Variants in ACOXL observed in about 807,000 individuals in gnomAD.
ACOXL encodes the protein acyl-coenzyme A oxidase-like protein.
ACOXL carries 70 observed loss-of-function variants against 71.9 expected under a neutral mutation model. That is an observed-to-expected ratio of 0.97 (90% CI 0.80 to 1.19). The LOEUF (loss-of-function observed/expected upper bound fraction) is 1.19, where lower values mean the gene tolerates loss of function less well. Among genes scored for constraint, ACOXL ranks in the 50% most tolerant of loss-of-function variants. The pLI is 0.00. For missense variants in ACOXL, 703 were observed against 736.3 expected (o/e 0.95, Z 0.52); for synonymous variants, 253 against 281.6 (o/e 0.90, Z 1.02).
intron 5 of ACOXL, among the ~76,000 whole-genome samples, chr2:110,795,430 C>G (rs1685173267): frequency 6.6e-6 from 1 of 152,186 alleles, no homozygotes; most frequent in Non-Finnish European, 1.5e-5. Context: ...GTGTAGTATT[C>G]TATGTTTCCC....
Position 111,117,844 on chromosome 2 carries a change from G to A in ACOXL, c.*28G>A, listed in dbSNP as rs931996686. ...GGTGTGGCGGGAAGTGTGGTGGCCC[G>A]CCAGCAGCTGCCACGACGCTCGCTC... On this transcript the variant is annotated 3_prime_UTR_variant, in exon 18 of 18. Transcript: ENST00000439055. 3 of 1,533,274 alleles carry A rather than the reference G, an allele frequency of 2.0e-6. No homozygotes were observed. The highest frequency in any genetic ancestry group is 1.4e-5 in the African/African-American group (1 of 72,812). The allele number at this position is 1,533,274 out of a possible 1,614,324, so 95.0% of individuals were successfully genotyped here.
rs560659188 is a variant in ACOXL, at chr2:110,880,925, C to T, written c.789-27864C>T. Among the ~76,000 whole-genome samples the T allele has an allele frequency of 6.8e-4, 104 of 152,274 alleles. 1 individual carries two copies. Among genetic ancestry groups the T allele is most frequent in the African/African-American group, 2.5e-3 (104 of 41,552 alleles). On this transcript the variant is annotated intron_variant, in intron 10 of 17. Coordinates refer to ENST00000439055, the MANE Select transcript of ACOXL (RefSeq NM_001142807.4). ...GGCAAATCTGGTTTAGTTTTGTTTT[C>T]CTCATTGTTTCTGGATTTTTAATCT...
intron 10 of ACOXL, among the ~76,000 whole-genome samples, chr2:110,877,247 T>G: frequency 6.6e-6 from 1 of 152,336 alleles, no homozygotes; most frequent in Admixed American, 6.5e-5. Context: ...GCCTGGGAGC[T>G]TCTGCCACCC....
chr2:110,863,993 C>T (rs1217583944), intron 10 of ACOXL, among the ~76,000 whole-genome samples: 5 of 152,154 alleles, frequency 3.3e-5, no homozygotes, highest in Admixed American at 1.3e-4. Context: ...TCTTCTGCTT[C>T]TTCTTCACTA....
intron 12 of ACOXL, among the ~76,000 whole-genome samples, chr2:110,973,420 G>A (rs901134163): frequency 1.3e-5 from 2 of 152,146 alleles, no homozygotes; most frequent in African/African-American, 4.8e-5. Context: ...GCCCTCATGG[G>A]TGGGGTTAGT....
Position 110,969,539 on chromosome 2 carries a change from G to A in ACOXL, c.1060-17569G>A, listed in dbSNP as rs527795866. 3.9e-5 allele frequency among the ~76,000 whole-genome samples: 6 copies of A among 152,264 alleles called. No individual in the cohort carries two copies. The South Asian group carries it at 1.0e-3, about 26-fold the overall frequency. On this transcript the variant is annotated intron_variant, in intron 12 of 17. Coordinates refer to ENST00000439055, the MANE Select transcript of ACOXL (RefSeq NM_001142807.4). ...AAAAAATAATGAGGTTGCCAGTCGT[G>A]GTGGCTCACACCTCTAATCCCAGCA...
chr2:110,803,084 T>C (rs891557167), intron 8 of ACOXL, among the ~76,000 whole-genome samples: 1 of 152,210 alleles, frequency 6.6e-6, no homozygotes, highest in African/African-American at 2.4e-5. Context: ...AACATTTTCC[T>C]CCTGTGAATT....
intron 1 of ACOXL, among the ~76,000 whole-genome samples, chr2:110,736,446 A>G (rs1442367442): frequency 6.6e-6 from 1 of 152,062 alleles, no homozygotes; most frequent in Non-Finnish European, 1.5e-5. Context: ...GCATCTGACT[A>G]TTCCAGGTAC....
At chr2:111,089,164 G>A (rs1442516659) in intron 16 of ACOXL, among the ~76,000 whole-genome samples, 1 of 152,172 alleles carries the variant, frequency 6.6e-6, no homozygotes, top group African/African-American at 2.4e-5. Flanking sequence ...GCTGGGCATG[G>A]TGGCGTGAGC....
At chr2:110,852,281 G>A (rs1266270720) in intron 10 of ACOXL, among the ~76,000 whole-genome samples, 4 of 152,184 alleles carry the variant, frequency 2.6e-5, no homozygotes, top group African/African-American at 9.7e-5. Flanking sequence ...GGTGGAGGGG[G>A]GCTACCAAGG....
chr2:110,829,694 C>A (rs1000981567), intron 9 of ACOXL, among the ~76,000 whole-genome samples: 2 of 152,198 alleles, frequency 1.3e-5, no homozygotes, highest in African/African-American at 4.8e-5. Context: ...AGGAAGGCGT[C>A]CTTGATTTCC....
chr2:110,752,703 G>A (rs1224246574), intron 1 of ACOXL, among the ~76,000 whole-genome samples: 2 of 151,812 alleles, frequency 1.3e-5, no homozygotes, highest in African/African-American at 2.4e-5. Context: ...TTAAAAATAA[G>A]ATACTTGTCA....
intron 10 of ACOXL, among the ~76,000 whole-genome samples, chr2:110,894,079 G>A (rs557537694): frequency 1.4e-4 from 21 of 152,012 alleles, no homozygotes; most frequent in African/African-American, 2.4e-4. Flanking sequence ...TCTAAAAGTC[G>A]TATCTAAATA....
chr2:111,012,237 C>T (rs1489365740), intron 14 of ACOXL, among the ~76,000 whole-genome samples: 2 of 152,194 alleles, frequency 1.3e-5, no homozygotes. Context: ...CATATGCTCA[C>T]TTCATGACTC....
At chr2:111,032,581 T>C (rs113301753) in intron 15 of ACOXL, among the ~76,000 whole-genome samples, 128 of 152,296 alleles carry the variant, frequency 8.4e-4, no homozygotes, top group African/African-American at 3.0e-3. Context: ...AAAGGCCAGT[T>C]GTTCACTGAG....
At chr2:110,950,018 C>G (rs996407213) in intron 12 of ACOXL, among the ~76,000 whole-genome samples, 2 of 149,900 alleles carry the variant, frequency 1.3e-5, no homozygotes, top group South Asian at 4.2e-4. Context: ...AAACAATCCT[C>G]TGTCTTTTTT....
rs966794827 is a variant in ACOXL at position 110,968,432 on chromosome 2, C to T, written c.1060-18676C>T. ...GCAGAAGTACACCAGAAGCACATCA[C>T]GGGCCAGAATGTTGCAGATTACCTG... On this transcript the variant is annotated intron_variant, in intron 12 of 17. Coordinates refer to ENST00000439055, the MANE Select transcript of ACOXL (RefSeq NM_001142807.4). 2.2e-4 allele frequency: 254 copies of T among 1,172,358 alleles called. 2 individuals carry two copies. The African/African-American group carries it at 2.3e-3, about 11-fold the overall frequency. The allele number at this position is 1,172,358 out of a possible 1,614,324, so 72.6% of individuals were successfully genotyped here. A position where few individuals can be genotyped will look rare whatever the true frequency, so the allele number is the denominator to read the frequency against.
At chr2:110,950,591 C>T (rs545027381) in intron 12 of ACOXL, among the ~76,000 whole-genome samples, 1 of 152,170 alleles carries the variant, frequency 6.6e-6, no homozygotes, top group African/African-American at 2.4e-5. Flanking sequence ...TCATTTTACT[C>T]TCCCTTGGGC....
intron 11 of ACOXL, among the ~76,000 whole-genome samples, chr2:110,914,078 A>G (rs1454163331): frequency 2.0e-5 from 3 of 152,170 alleles, no homozygotes; most frequent in Admixed American, 1.3e-4. Context: ...TTAGATGGCA[A>G]TGGTTGCACA....
Sources: gnomAD v4.1 joint callset for allele counts (sites outside exome capture counted in the v4.1 genomes callset) on GRCh38, gnomAD v4.1.1 for gene constraint, MANE v1.5 for transcripts, NCBI Gene and HGNC (gene_info 2026-07-23, HGNC 2026-07-21) for gene names.